Variants in FER observed in about 807,000 individuals in gnomAD.
The protein encoded by FER is FER tyrosine kinase, also known as tyrosine-protein kinase Fer.
A neutral mutation model predicts 111.0 loss-of-function variants in FER; 63 were observed. The ratio of observed to expected loss-of-function variants is 0.57; its 90% CI spans 0.46 to 0.70. The LOEUF (loss-of-function observed/expected upper bound fraction) is 0.70, where lower values mean the gene tolerates loss of function less well. Among genes scored for constraint, FER ranks in the 30% least tolerant of loss-of-function variants. The pLI, the probability that FER is intolerant of heterozygous loss-of-function variation, is 0.00. For synonymous variants in FER, 327 were observed against 313.9 expected (o/e 1.04, Z -0.44); for missense variants, 914 against 954.0 (o/e 0.96, Z 0.55).
At chr5:109,185,617 C>T (rs749507274) in intron 18 of FER, among the ~76,000 whole-genome samples, 2 of 151,894 alleles carry the variant, frequency 1.3e-5, no homozygotes, top group Non-Finnish European at 2.9e-5. Context: ...TGCACACTGG[C>T]TGAATATTTA....
chr5:109,179,369 T>G (rs1464352382), intron 17 of FER, among the ~76,000 whole-genome samples: 3 of 151,424 alleles, frequency 2.0e-5, no homozygotes, highest in Non-Finnish European at 4.4e-5. Flanking sequence ...TCAGGTTAAA[T>G]AAATTCCTTA....
intron 3 of FER, among the ~76,000 whole-genome samples, chr5:108,817,113 A>AAAC (rs1758367000): frequency 1.1e-5 from 1 of 87,052 alleles, no homozygotes; most frequent in Non-Finnish European, 2.5e-5. Flanking sequence ...CAAAAAAAAA[A>AAAC]AAAAAAAAAA....
chr5:108,824,154 T>C (rs1759193552), intron 3 of FER, among the ~76,000 whole-genome samples: 1 of 152,160 alleles, frequency 6.6e-6, no homozygotes, highest in Non-Finnish European at 1.5e-5. Flanking sequence ...GTTTTTATGC[T>C]AGTATTATAT....
chr5:108,984,775 C>T (rs192213082), intron 13 of FER, among the ~76,000 whole-genome samples: 61 of 151,978 alleles, frequency 4.0e-4, no homozygotes, highest in African/African-American at 1.4e-3. Context: ...TCTCTCAATC[C>T]GTGGTGGTGA....
At chr5:108,939,144 A>C (rs1317201521) in intron 10 of FER, among the ~76,000 whole-genome samples, 14 of 152,002 alleles carry the variant, frequency 9.2e-5, no homozygotes, top group Non-Finnish European at 5.9e-5. Context: ...TATGTGCTGA[A>C]ACTGTTAAAT....
intron 17 of FER, among the ~76,000 whole-genome samples, chr5:109,148,603 T>C (rs1287242004): frequency 6.6e-6 from 1 of 152,224 alleles, no homozygotes; most frequent in Non-Finnish European, 1.5e-5. Flanking sequence ...TCATTCTGTT[T>C]AAGAGTATAA....
At chr5:109,053,360 G>C (rs191639269) in intron 16 of FER, among the ~76,000 whole-genome samples, 42 of 141,410 alleles carry the variant, frequency 3.0e-4, no homozygotes, top group African/African-American at 1.0e-3. Context: ...TCCAGCCTCA[G>C]CGAAAGAGTG....
At chr5:109,153,803 C>G (rs981373612) in intron 17 of FER, among the ~76,000 whole-genome samples, 2 of 151,764 alleles carry the variant, frequency 1.3e-5, no homozygotes, top group Non-Finnish European at 1.5e-5. Flanking sequence ...CTCTAGAGTC[C>G]TTGTATTTAA....
intron 5 of FER, among the ~76,000 whole-genome samples, chr5:108,865,086 T>G (rs2150227454): frequency 6.6e-6 from 1 of 152,350 alleles, no homozygotes; most frequent in East Asian, 1.9e-4. Flanking sequence ...CCCTTGTAAG[T>G]TGGATTCCTA....
chr5:109,008,539 C>T (rs1343159769), intron 13 of FER, among the ~76,000 whole-genome samples: 1 of 152,078 alleles, frequency 6.6e-6, no homozygotes, highest in Non-Finnish European at 1.5e-5. Context: ...GTCTTTGATT[C>T]TTCATTTTTC....
chr5:109,000,255 A>C (rs530533892), intron 13 of FER, among the ~76,000 whole-genome samples: 1 of 152,064 alleles, frequency 6.6e-6, no homozygotes, highest in East Asian at 1.9e-4. Context: ...AAAGCATCAT[A>C]AACAGAATTT....
At chr5:109,186,003 C>T (rs1333670200) in intron 18 of FER, among the ~76,000 whole-genome samples, 197 bp from the exon 19 acceptor site, 1 of 152,176 alleles carries the variant, frequency 6.6e-6, no homozygotes, top group Non-Finnish European at 1.5e-5. Flanking sequence ...TATACTATGA[C>T]ATTACCATGG....
intron 4 of FER, 105 bp from the exon 5 acceptor site, chr5:108,835,603 C>G: frequency 1.6e-6 from 1 of 639,824 alleles, no homozygotes; most frequent in Non-Finnish European, 2.7e-6. Context: ...CAACTCTGAC[C>G]TGTAAGTAGT....
chr5:108,934,524 C>A (rs1374965305), intron 10 of FER, among the ~76,000 whole-genome samples: 1 of 152,022 alleles, frequency 6.6e-6, no homozygotes. Flanking sequence ...CTTGGGAGTT[C>A]GTTGCTTTTT....
chr5:109,167,343 G>C (rs1480828605), intron 17 of FER, among the ~76,000 whole-genome samples: 4 of 152,048 alleles, frequency 2.6e-5, no homozygotes, highest in African/African-American at 9.7e-5. Flanking sequence ...TAAAATAGTA[G>C]GGGTTTTTGT....
intron 13 of FER, among the ~76,000 whole-genome samples, chr5:109,003,338 C>G (rs1375482890): frequency 2.0e-5 from 3 of 152,044 alleles, no homozygotes; most frequent in African/African-American, 7.2e-5. Flanking sequence ...AAGATGGAAA[C>G]CATCATTCTC....
chr5:109,039,494 A>G (rs148164186), intron 14 of FER, among the ~76,000 whole-genome samples: 3 of 152,124 alleles, frequency 2.0e-5, no homozygotes, highest in South Asian at 2.1e-4. Context: ...AGAGGGTGCT[A>G]AGTCCTGTGA....
intron 2 of FER, among the ~76,000 whole-genome samples, chr5:108,795,450 TG>T (rs1034989236): frequency 6.6e-6 from 1 of 150,414 alleles, no homozygotes; most frequent in Non-Finnish European, 1.5e-5. Context: ...TACTCCAACC[TG>T]GGAGACAGAG....
intron 1 of FER, among the ~76,000 whole-genome samples, chr5:108,756,630 TATTA>T (rs1308255710): frequency 1.3e-5 from 2 of 152,036 alleles, no homozygotes; most frequent in African/African-American, 4.8e-5. Flanking sequence ...CAATATAACT[TATTA>T]ATATACTATA....
Sources: gnomAD v4.1 joint callset for allele counts (sites outside exome capture counted in the v4.1 genomes callset) on GRCh38, gnomAD v4.1.1 for gene constraint, MANE v1.5 for transcripts, NCBI Gene and HGNC (gene_info 2026-07-23, HGNC 2026-07-21) for gene names.